The following UBE4B variants were observed in gnomAD, a reference collection of about 807,000 sequenced individuals.
The protein encoded by UBE4B is ubiquitination factor E4B, also known as ubiquitin conjugation factor E4 B.
A neutral mutation model predicts 148.1 loss-of-function variants in UBE4B; 27 were observed. The observed-to-expected ratio is 0.18, with a 90% CI of 0.13 to 0.25. UBE4B has a LOEUF of 0.25. UBE4B is among the 10% of genes least tolerant of loss of function. The pLI is 1.00. For missense variants in UBE4B, 1,170 were observed against 1,662.4 expected, an observed-to-expected ratio of 0.70 and a Z score of 5.15; for synonymous variants, 596 against 619.3, an observed-to-expected ratio of 0.96 and a Z score of 0.56.
intron 1 of UBE4B, among the ~76,000 whole-genome samples, chr1:10,055,824 G>A (rs548862411): frequency 1.3e-5 from 2 of 152,262 alleles, no homozygotes; most frequent in South Asian, 2.1e-4. Context: ...GGAGGCTGAG[G>A]CAGGAGAATC....
chr1:10,171,362 T>G (rs1043817465), intron 25 of UBE4B, 33 bp downstream of exon 25: 1 of 1,598,810 alleles, frequency 6.3e-7, no homozygotes, highest in African/African-American at 1.3e-5. Context: ...TCTGTGAGTT[T>G]ACTGGCAGAT....
intron 17 of UBE4B, among the ~76,000 whole-genome samples, chr1:10,137,921 C>CTTTTTTTTTTTTTTTTTTTT (rs70998351): frequency 3.0e-5 from 2 of 66,982 alleles, no homozygotes; most frequent in African/African-American, 1.4e-4. Flanking sequence ...CTTACTAATT[C>CTTTTTTTTTTTTTTTTTTTT]TTTTTTTTTT....
chr1:10,107,111 G>C lies in UBE4B; in HGVS notation c.1196+528G>C, dbSNP rs913093364. 5 of 1,048,056 alleles carry C rather than the reference G, an allele frequency of 4.8e-6. No homozygotes were observed. The East Asian group carries it at 3.0e-4, about 63-fold the overall frequency. 64.9% of individuals were successfully genotyped at this position (1,048,056 alleles called of 1,614,324 possible). A position where few individuals can be genotyped will look rare whatever the true frequency, so the allele number is the denominator to read the frequency against. On this transcript the variant is annotated intron_variant, in intron 7 of 27. Transcript: ENST00000343090. ...TGAATTATGTTTCTGCATGTCAGTG[G>C]CCAAAAGTTTTAGTGTATGGTTTAT...
intron 7 of UBE4B, among the ~76,000 whole-genome samples, chr1:10,108,056 C>A (rs1354378323): frequency 6.6e-6 from 1 of 152,130 alleles, no homozygotes; most frequent in African/African-American, 2.4e-5. Context: ...CCAGATGTGA[C>A]AACTTGTACT....
intron 2 of UBE4B, among the ~76,000 whole-genome samples, chr1:10,087,938 G>A (rs1166359929): frequency 6.6e-6 from 1 of 152,142 alleles, no homozygotes; most frequent in Non-Finnish European, 1.5e-5. Flanking sequence ...AGATCAGTAT[G>A]AACTCACACA....
intron 1 of UBE4B, among the ~76,000 whole-genome samples, chr1:10,044,304 C>T (rs1643872921): frequency 6.6e-6 from 1 of 152,018 alleles, no homozygotes; most frequent in South Asian, 2.1e-4. Flanking sequence ...ATCGGCTTGC[C>T]TCGGCCTCCC....
intron 2 of UBE4B, among the ~76,000 whole-genome samples, chr1:10,093,514 T>C (rs1304483325): frequency 6.6e-6 from 1 of 152,174 alleles, no homozygotes; most frequent in Non-Finnish European, 1.5e-5. Flanking sequence ...AATTAGTACA[T>C]GTGAAGAACT....
rs138030773 is a variant in UBE4B at position 10,042,038 on chromosome 1, G to A, written c.24+8344G>A. Among the ~76,000 whole-genome samples the A allele has an allele frequency of 4.3e-4, 65 of 152,232 alleles. 1 individual carries two copies. In the East Asian group the frequency reaches 9.5e-3, roughly 22 times the overall value. ...CAACCTCTGACTCCTGAATTCAAGCGATTCTCCTGGGTCAGCCCCTCGAGT... is the reference window on the plus strand; with the variant it reads ...CAACCTCTGACTCCTGAATTCAAGCAATTCTCCTGGGTCAGCCCCTCGAGT... On this transcript the variant is annotated intron_variant, in intron 1 of 27. Coordinates refer to ENST00000343090, the MANE Select transcript of UBE4B (RefSeq NM_001105562.3).
At chr1:10,131,810 G>A (rs748919699) in intron 14 of UBE4B, among the ~76,000 whole-genome samples, 5 of 152,080 alleles carry the variant, frequency 3.3e-5, no homozygotes, top group Non-Finnish European at 5.9e-5. Flanking sequence ...AAAATTAGCT[G>A]GGCATGGTGG....
intron 10 of UBE4B, among the ~76,000 whole-genome samples, chr1:10,124,770 A>T (rs1363064038): frequency 6.6e-6 from 1 of 152,352 alleles, no homozygotes; most frequent in South Asian, 2.1e-4. Context: ...GGAGGTGGAT[A>T]CTTACAGTAT....
intron 1 of UBE4B, among the ~76,000 whole-genome samples, chr1:10,056,886 G>A (rs956003856): frequency 6.6e-6 from 1 of 152,152 alleles, no homozygotes; most frequent in Non-Finnish European, 1.5e-5. Flanking sequence ...GAGTGCAGTG[G>A]CACATTCATG....
chr1:10,121,001 C>T (rs1233094448), intron 9 of UBE4B, among the ~76,000 whole-genome samples: 1 of 151,958 alleles, frequency 6.6e-6, no homozygotes, highest in African/African-American at 2.4e-5. Flanking sequence ...AAAAACGTTC[C>T]TTGATTAAAA....
intron 1 of UBE4B, among the ~76,000 whole-genome samples, chr1:10,055,341 A>C (rs1644144615): frequency 6.7e-6 from 1 of 148,874 alleles, no homozygotes; most frequent in Non-Finnish European, 1.5e-5. Context: ...TTCTGAGACA[A>C]GATCTCACTG....
chr1:10,150,357 C>T (rs1645949220), intron 20 of UBE4B, among the ~76,000 whole-genome samples: 1 of 152,070 alleles, frequency 6.6e-6, no homozygotes, highest in Non-Finnish European at 1.5e-5. Flanking sequence ...TTGTTCTATG[C>T]ACAGTGATAC....
chr1:10,159,699 A>G (rs1557606170), intron 22 of UBE4B, among the ~76,000 whole-genome samples: 2 of 152,184 alleles, frequency 1.3e-5, no homozygotes, highest in Non-Finnish European at 2.9e-5. Context: ...AAATAAATAA[A>G]TAAATAAAAA....
rs114982076 is a variant in UBE4B at position 10,077,274 on chromosome 1, G to A, written c.211+5060G>A. 4.4e-3 allele frequency among the ~76,000 whole-genome samples: 667 copies of A among 152,180 alleles called. 2 individuals carry two copies. The highest frequency in any genetic ancestry group is 6.2e-3 in the Non-Finnish European group (419 of 68,020). The stretch of plus-strand genomic sequence containing the variant: ...AGTCCTTGGCATTTCTTGGCTTGTG[G>A]CAACATAACTCCAGTCTTCACGTCC... On this transcript the variant is annotated intron_variant, in intron 2 of 27. Transcript: ENST00000343090.
intron 2 of UBE4B, among the ~76,000 whole-genome samples, chr1:10,080,914 G>A (rs1188095931): frequency 6.6e-6 from 1 of 152,188 alleles, no homozygotes; most frequent in Non-Finnish European, 1.5e-5. Context: ...GGGAATGGGG[G>A]TGGATGAAGA....
At chr1:10,138,298 C>T (rs1486800483) in intron 17 of UBE4B, among the ~76,000 whole-genome samples, 2 of 151,982 alleles carry the variant, frequency 1.3e-5, no homozygotes, top group African/African-American at 2.4e-5. Flanking sequence ...GGGGTTTCAC[C>T]GTGTTAGCCA....
chr1:10,103,425 T>G (rs1645049478), intron 5 of UBE4B, among the ~76,000 whole-genome samples: 1 of 148,074 alleles, frequency 6.8e-6, no homozygotes, highest in African/African-American at 2.5e-5. Context: ...ATTTATTTAT[T>G]TATTTATTTA....
Sources: allele counts gnomAD v4.1 joint callset (sites outside exome capture counted in the v4.1 genomes callset), GRCh38; gene constraint gnomAD v4.1.1; transcripts MANE v1.5; gene names NCBI Gene and HGNC (gene_info 2026-07-23, HGNC 2026-07-21).